The following SLC25A43 variants were observed in gnomAD, a reference collection of about 807,000 sequenced individuals.
SLC25A43 encodes the protein solute carrier family 25 member 43.
A neutral mutation model predicts 22.8 loss-of-function variants in SLC25A43; 10 were observed. That is an observed-to-expected ratio of 0.44 (90% CI 0.27 to 0.74). The LOEUF (loss-of-function observed/expected upper bound fraction) is 0.74. Ranked by LOEUF, SLC25A43 falls within the 30% of genes least tolerant of loss-of-function variation. SLC25A43 has a pLI of 0.17. For missense variants in SLC25A43, 233 were observed against 279.1 expected, an observed-to-expected ratio of 0.83 and a Z score of 1.18; for synonymous variants, 106 against 121.6, an observed-to-expected ratio of 0.87 and a Z score of 0.84.
At chrX:119,435,421 G>A (rs1190663341) in intron 3 of SLC25A43, among the ~76,000 whole-genome samples, 2 of 104,677 alleles carry the variant, frequency 1.9e-5, no homozygotes, top group African/African-American at 7.0e-5. Context: ...TTAGTACTAT[G>A]GCTTGTAGGC....
rs948713217 is a variant in SLC25A43, at chrX:119,453,280, T to C, written c.*215T>C. The C allele has an allele frequency of 2.4e-5, 10 of 415,722 alleles. No individual in the cohort carries two copies. The highest frequency in any genetic ancestry group is 2.2e-4 in the African/African-American group (9 of 40,063). The allele number at this position is 415,722 out of a possible 1,213,427, so 34.3% of individuals were successfully genotyped here. On this transcript the variant is annotated 3_prime_UTR_variant, in exon 5 of 5. Transcript: ENST00000217909. ...AAGGTTTCCCAACAAGAGTGTATCA[T>C]GATGGCATTCCACGAGATTTTATAA...
At chrX:119,435,457 C>CTTTT (rs1175233726) in intron 3 of SLC25A43, among the ~76,000 whole-genome samples, 243 of 54,617 alleles carry the variant, frequency 4.4e-3, no homozygotes, top group African/African-American at 7.5e-3. Context: ...AGATTTTATT[C>CTTTT]TTTTTTTTTT....
chrX:119,430,337 C>A (rs2052542168), intron 3 of SLC25A43, among the ~76,000 whole-genome samples: 1 of 112,631 alleles, frequency 8.9e-6, no homozygotes, highest in Non-Finnish European at 1.9e-5. Flanking sequence ...TGTATTAAAT[C>A]ATTTCATTTT....
intron 1 of SLC25A43, among the ~76,000 whole-genome samples, chrX:119,400,655 C>T (rs1221526712): frequency 8.9e-6 from 1 of 112,214 alleles, no homozygotes; most frequent in Non-Finnish European, 1.9e-5. Flanking sequence ...GACACTGTCA[C>T]TCACCTGGGA....
chrX:119,416,940 A>G (rs1603295641), intron 3 of SLC25A43, among the ~76,000 whole-genome samples: 2 of 112,340 alleles, frequency 1.8e-5, no homozygotes, highest in East Asian at 5.6e-4. Flanking sequence ...GATATACTGT[A>G]AGTGTTTTAT....
At chrX:119,427,550 G>C (rs936583406) in intron 3 of SLC25A43, among the ~76,000 whole-genome samples, 3 of 112,509 alleles carry the variant, frequency 2.7e-5, no homozygotes, top group African/African-American at 9.7e-5. Flanking sequence ...TATGCCAAGA[G>C]AAACATGGGT....
intron 3 of SLC25A43, chrX:119,423,090 C>G (rs1001085284): frequency 9.0e-6 from 1 of 111,520 alleles, no homozygotes; most frequent in African/African-American, 3.3e-5. Context: ...CCTGTGGACA[C>G]AAAAAGTTGG....
At chrX:119,430,748 A>G (rs2052545378) in intron 3 of SLC25A43, among the ~76,000 whole-genome samples, 1 of 112,366 alleles carries the variant, frequency 8.9e-6, no homozygotes, top group Admixed American at 9.4e-5. Context: ...TGGTCAGCCT[A>G]ATGCAGCTAA....
chrX:119,412,353 A>G (rs1409461348), intron 3 of SLC25A43, among the ~76,000 whole-genome samples: 1 of 108,941 alleles, frequency 9.2e-6, no homozygotes, highest in Non-Finnish European at 1.9e-5. Flanking sequence ...ATTTCACACA[A>G]TTTTTCCAGT....
rs756548827 is a variant in SLC25A43, at chrX:119,412,135, C to T, written c.690+1773C>T. Among the ~76,000 whole-genome samples the T allele has an allele frequency of 5.4e-5, 6 of 111,240 alleles. No homozygotes were observed. In the South Asian group the frequency reaches 1.1e-3, roughly 21 times the overall value. On this transcript the variant is annotated intron_variant, in intron 3 of 4. Coordinates refer to ENST00000217909, the MANE Select transcript of SLC25A43 (RefSeq NM_145305.3). ...AGTAGTCCCGGCTGCCCTGGGCCAT[C>T]GCTTACCTCAGCACTAAACAGCCTG...
At chrX:119,414,219 G>A (rs370028168) in intron 3 of SLC25A43, among the ~76,000 whole-genome samples, 1 of 112,226 alleles carries the variant, frequency 8.9e-6, no homozygotes, top group African/African-American at 3.2e-5. Flanking sequence ...TTCTTTGTAA[G>A]TTTTGTATTT....
chrX:119,449,775 A>G (rs1314893298), intron 3 of SLC25A43, among the ~76,000 whole-genome samples: 1 of 111,543 alleles, frequency 9.0e-6, no homozygotes, highest in East Asian at 2.8e-4. Context: ...TGAAAAGGAC[A>G]AGAGTGGGTC....
intron 3 of SLC25A43, among the ~76,000 whole-genome samples, chrX:119,419,057 A>G (rs1015611019): frequency 1.8e-5 from 2 of 112,362 alleles, no homozygotes; most frequent in Non-Finnish European, 3.8e-5. Context: ...GAGTCCTGAG[A>G]AAATGGCTCT....
chrX:119,413,925 A>T (rs1213454222), intron 3 of SLC25A43, among the ~76,000 whole-genome samples: 5 of 111,151 alleles, frequency 4.5e-5, no homozygotes, highest in African/African-American at 1.6e-4. Flanking sequence ...ATCTGTGATG[A>T]TATCCTTAGG....
intron 1 of SLC25A43, 54 bp downstream of exon 1, chrX:119,399,732 G>A: frequency 1.0e-6 from 1 of 981,583 alleles, no homozygotes; most frequent in Non-Finnish European, 1.3e-6. Flanking sequence ...GTGGGGTGGG[G>A]GAGCCGCGGC....
intron 2 of SLC25A43, among the ~76,000 whole-genome samples, 185 bp from the exon 3 acceptor site, chrX:119,410,005 C>A (rs1018245171): frequency 8.9e-6 from 1 of 112,057 alleles, no homozygotes; most frequent in Non-Finnish European, 1.9e-5. Flanking sequence ...AATGACACAA[C>A]CCCTACCAAA....
chrX:119,402,719 T>C (rs1211547094), intron 1 of SLC25A43, among the ~76,000 whole-genome samples: 3 of 110,917 alleles, frequency 2.7e-5, no homozygotes, highest in Non-Finnish European at 5.7e-5. Flanking sequence ...TGTGCATGTA[T>C]GTGTGGGGGT....
chrX:119,427,792 C>T (rs1300605144), intron 3 of SLC25A43, among the ~76,000 whole-genome samples: 1 of 112,116 alleles, frequency 8.9e-6, no homozygotes, highest in African/African-American at 3.2e-5. Context: ...TTCTGAGCTC[C>T]TTCCTGTGTG....
chrX:119,424,885 C>G (rs926258423), intron 3 of SLC25A43, among the ~76,000 whole-genome samples: 1 of 111,982 alleles, frequency 8.9e-6, no homozygotes, highest in Non-Finnish European at 1.9e-5. Flanking sequence ...TAAAAGGACC[C>G]GAATCCCATT....
Sources: allele counts gnomAD v4.1 joint callset (sites outside exome capture counted in the v4.1 genomes callset), GRCh38; gene constraint gnomAD v4.1.1; transcripts MANE v1.5; gene names NCBI Gene and HGNC (gene_info 2026-07-23, HGNC 2026-07-21).